SLC26A5: variants seen among roughly 807,000 people sequenced by gnomAD.
SLC26A5 encodes prestin.
A neutral mutation model predicts 81.0 loss-of-function variants in SLC26A5; 51 were observed. The observed-to-expected ratio is 0.63, with a 90% CI of 0.50 to 0.80. The LOEUF (loss-of-function observed/expected upper bound fraction) is 0.80. Among genes scored for constraint, SLC26A5 ranks in the 30% least tolerant of loss-of-function variants. The pLI, the probability that SLC26A5 is intolerant of heterozygous loss-of-function variation, is 0.00. For synonymous variants in SLC26A5, 325 were observed against 332.8 expected (o/e 0.98, Z 0.25); for missense variants, 771 against 905.8 (o/e 0.85, Z 1.91).
rs1827302327 is a variant in SLC26A5, at chr7:103,446,172, C to G, written c.-257G>C. 1 of 151,372 alleles carries G rather than the reference C, an allele frequency of 6.6e-6. No individual in the cohort carries two copies. The highest frequency in any genetic ancestry group is 2.1e-4 in the South Asian group (1 of 4,838). The allele number at this position is 151,372 out of a possible 1,614,324, so 9.4% of individuals were successfully genotyped here. ...TGCCTCTTCGACGCGCGCGCTGCCT[C>G]CAGGTGCGGCTCTAGGAGGAGGCGC... On this transcript the variant is annotated 5_prime_UTR_variant, in exon 1 of 20. Transcript: ENST00000306312.
chr7:103,427,851 C>CTTTTT (rs60928156), intron 2 of SLC26A5, among the ~76,000 whole-genome samples: 4 of 143,978 alleles, frequency 2.8e-5, no homozygotes, highest in Non-Finnish European at 3.0e-5. Flanking sequence ...TCTAGAGATT[C>CTTTTT]TTTTTTTTTT....
At chr7:103,362,787 G>A in intron 19 of SLC26A5, 1 of 1,390,104 alleles carries the variant, frequency 7.2e-7, no homozygotes. Context: ...GAAAAGGAAG[G>A]CTATGTCTTT....
chr7:103,364,764 T>C (rs936266670), intron 19 of SLC26A5, among the ~76,000 whole-genome samples: 4 of 152,004 alleles, frequency 2.6e-5, no homozygotes, highest in African/African-American at 9.7e-5. Flanking sequence ...TTTGTGGTCA[T>C]TTGGAGATAG....
intron 4 of SLC26A5, among the ~76,000 whole-genome samples, chr7:103,414,190 CTTT>C (rs199802339): frequency 3.1e-5 from 4 of 127,060 alleles, no homozygotes; most frequent in African/African-American, 6.0e-5. Context: ...TTGCCCCCCC[CTTT>C]TTTTTTTTTT....
At chr7:103,392,641 G>A (rs1239292184) in intron 10 of SLC26A5, among the ~76,000 whole-genome samples, 2 of 152,130 alleles carry the variant, frequency 1.3e-5, no homozygotes, top group Admixed American at 1.3e-4. Context: ...GCAGCGGCGC[G>A]ACCTCGGCTC....
intron 14 of SLC26A5, among the ~76,000 whole-genome samples, chr7:103,381,091 A>G (rs1161039564): frequency 1.3e-5 from 2 of 151,418 alleles, no homozygotes; most frequent in Non-Finnish European, 2.9e-5. Flanking sequence ...CATACCACAC[A>G]TATACACATC....
Position 103,432,443 on chromosome 7 carries a change from C to G in SLC26A5, c.-54+10640G>C, listed in dbSNP as rs140394478. ...CATTGGGTTGATTACAGATAGTCTT[C>G]TCAGATTTAACTTCCAGTTTAATAA... On this transcript the variant is annotated intron_variant, in intron 2 of 19. Coordinates refer to ENST00000306312, the MANE Select transcript of SLC26A5 (RefSeq NM_198999.3). 2.5e-3 allele frequency among the ~76,000 whole-genome samples: 379 copies of G among 152,216 alleles called. 2 individuals carry two copies. The highest frequency in any genetic ancestry group is 8.9e-3 in the African/African-American group (371 of 41,526).
chr7:103,369,322 T>C (rs1161303695), downstream of SLC26A5: 1 of 152,200 alleles, frequency 6.6e-6, no homozygotes, highest in Non-Finnish European at 1.5e-5. Context: ...TACAATAAAA[T>C]ATACTTAAGA....
intron 19 of SLC26A5, among the ~76,000 whole-genome samples, chr7:103,354,365 AT>A (rs752847513): frequency 0.04 from 5,325 of 134,502 alleles, 196 homozygotes; most frequent in African/African-American, 0.13. Flanking sequence ...TTCACACACG[AT>A]TTTTTTTTTT....
chr7:103,353,942 C>T (rs776196601), intron 19 of SLC26A5: 1 of 1,602,072 alleles, frequency 6.2e-7, no homozygotes, highest in South Asian at 1.1e-5. Flanking sequence ...GGGGATATTG[C>T]CTTGTTGAAA....
intron 3 of SLC26A5, 73 bp from the exon 4 acceptor site, chr7:103,420,950 T>C (rs2116722309): frequency 6.7e-7 from 1 of 1,490,422 alleles, no homozygotes. Context: ...ACCAAAGCAT[T>C]TTCCCTTCCT....
At chr7:103,395,453 G>T in intron 9 of SLC26A5, among the ~76,000 whole-genome samples, 1 of 135,330 alleles carries the variant, frequency 7.4e-6, no homozygotes, top group African/African-American at 2.7e-5. Context: ...ATAGTGACAA[G>T]TAGATTTATA....
chr7:103,386,310 G>A (rs1187897876), intron 14 of SLC26A5, among the ~76,000 whole-genome samples: 1 of 151,976 alleles, frequency 6.6e-6, no homozygotes, highest in African/African-American at 2.4e-5. Flanking sequence ...GCTCATGCCT[G>A]TAATCCCAGC....
At position 103,367,897 on chromosome 7, in the gene SLC26A5, G is replaced by T; in HGVS notation, c.2041+8911C>A. On this transcript the variant is annotated intron_variant, in intron 19 of 19. Transcript: ENST00000339444. This position sits in a 1 kb window ranked among gnomAD's most constrained non-coding sequence, Gnocchi z 6.1. ...CGTTTATTTTCTTTTTGTTTGAAAG[G>T]TGCTGAGATTAGAAGCGTCTGCACA... 2 of 1,612,254 alleles carry T rather than the reference G, an allele frequency of 1.2e-6. No homozygotes were observed. Among genetic ancestry groups the T allele is most frequent in the South Asian group, 1.1e-5 (1 of 90,702 alleles).
Position 103,420,881 on chromosome 7 carries a change from A to C in SLC26A5, c.153-4T>G. The C allele has an allele frequency of 6.2e-7, 1 of 1,605,182 alleles. No homozygotes were observed. The highest frequency in any genetic ancestry group is 8.5e-7 in the Non-Finnish European group (1 of 1,172,246). On this transcript the variant is annotated splice_polypyrimidine_tract_variant and splice_region_variant and intron_variant, in intron 3 of 19. Transcript: ENST00000306312. ...TCTTATTTTTTTAGGAGTACATCTG[A>C]AAGGACAAAGACAGACAGAGATAAA... is the stretch of plus-strand genomic sequence containing the variant.
chr7:103,369,056 T>A (rs1013206840), intron 19 of SLC26A5: 4 of 152,172 alleles, frequency 2.6e-5, no homozygotes, highest in African/African-American at 9.6e-5. Flanking sequence ...TATTCATAAA[T>A]AAGTTGCAAA....
chr7:103,383,584 A>T (rs1272365293), intron 14 of SLC26A5, among the ~76,000 whole-genome samples: 1 of 152,164 alleles, frequency 6.6e-6, no homozygotes, highest in Non-Finnish European at 1.5e-5. Context: ...GGCATCTCTT[A>T]TGCTTCTCAC....
intron 2 of SLC26A5, chr7:103,435,047 T>C (rs1826353175): frequency 6.6e-6 from 1 of 152,280 alleles, no homozygotes; most frequent in South Asian, 2.1e-4. Flanking sequence ...AATCAGTAAC[T>C]GGTTGTGATC....
chr7:103,357,750 G>T (rs1820119543), intron 19 of SLC26A5, among the ~76,000 whole-genome samples: 1 of 152,144 alleles, frequency 6.6e-6, no homozygotes, highest in Admixed American at 6.5e-5. Flanking sequence ...TCTTTTAGTG[G>T]TGGTTGTTAT....
Sources: allele counts gnomAD v4.1 joint callset (sites outside exome capture counted in the v4.1 genomes callset), GRCh38; gene constraint gnomAD v4.1.1; non-coding constraint Gnocchi (gnomAD v3.1); transcripts MANE v1.5; gene names NCBI Gene and HGNC (gene_info 2026-07-23, HGNC 2026-07-21).